Variants in GRIK2 observed in about 807,000 individuals in gnomAD.
The protein encoded by GRIK2 is glutamate receptor ionotropic, kainate 2.
GRIK2 carries 32 observed loss-of-function variants against 100.3 expected under a neutral mutation model. That is an observed-to-expected ratio of 0.32 (90% CI 0.24 to 0.43). The LOEUF (loss-of-function observed/expected upper bound fraction) is 0.43. GRIK2 is among the 20% of genes least tolerant of loss of function. The pLI is 1.00. For synonymous variants in GRIK2, 417 were observed against 389.4 expected, an observed-to-expected ratio of 1.07 and a Z score of -0.83; for missense variants, 843 against 1,114.9, an observed-to-expected ratio of 0.76 and a Z score of 3.47.
In GRIK2 at chr6:101,789,384, A is replaced by G. The variant is rs1219751393; in HGVS notation, c.952-10264A>G. 2.0e-5 allele frequency among the ~76,000 whole-genome samples: 3 copies of G among 152,084 alleles called. No homozygotes were observed. The East Asian group carries it at 5.8e-4, about 29-fold the overall frequency. Reference sequence around the variant, plus strand: ...ATCCATCTTGAATTAATTTTTGTATAAGGTGTAAGGAAGGGATCCAGTTTC... The same window carrying G: ...ATCCATCTTGAATTAATTTTTGTATGAGGTGTAAGGAAGGGATCCAGTTTC... On this transcript the variant is annotated intron_variant, in intron 7 of 16. Transcript: ENST00000369134.
At chr6:101,793,356 T>C (rs932340482) in intron 7 of GRIK2, among the ~76,000 whole-genome samples, 5 of 152,180 alleles carry the variant, frequency 3.3e-5, no homozygotes, top group Admixed American at 1.3e-4. Flanking sequence ...CTTTTGGTCT[T>C]TGATGATGGT....
chr6:101,931,530 C>T (rs1470469503), intron 14 of GRIK2, among the ~76,000 whole-genome samples: 6 of 152,112 alleles, frequency 3.9e-5, no homozygotes, highest in African/African-American at 1.4e-4. Context: ...AAATCCTCAG[C>T]ATTGCAAAGA....
chr6:102,064,426 C>CTTTCTT (rs767671108), intron 16 of GRIK2, among the ~76,000 whole-genome samples: 1 of 143,024 alleles, frequency 7.0e-6, no homozygotes, highest in Non-Finnish European at 1.5e-5. Context: ...TTCTTTCTTT[C>CTTTCTT]TCTCTTTCTC....
intron 12 of GRIK2, among the ~76,000 whole-genome samples, chr6:101,918,676 A>T (rs941550606): frequency 1.3e-5 from 2 of 151,760 alleles, no homozygotes; most frequent in Non-Finnish European, 1.5e-5. Flanking sequence ...ATCTGTCACC[A>T]CATACAAAGT....
chr6:101,734,470 A>G (rs547560825), intron 7 of GRIK2, among the ~76,000 whole-genome samples: 1 of 152,212 alleles, frequency 6.6e-6, no homozygotes, highest in African/African-American at 2.4e-5. Context: ...AGGCCCACCT[A>G]TAATACATTA....
intron 7 of GRIK2, among the ~76,000 whole-genome samples, chr6:101,763,154 C>CCCTCAAATGTCAA (rs1777836726): frequency 6.6e-6 from 1 of 152,212 alleles, no homozygotes; most frequent in South Asian, 2.1e-4. Context: ...GGACAATGTA[C>CCCTCAAATGTCAA]AGATTGAGGG....
intron 7 of GRIK2, among the ~76,000 whole-genome samples, chr6:101,747,013 A>G (rs142768436): frequency 1.3e-5 from 2 of 152,170 alleles, no homozygotes; most frequent in Non-Finnish European, 2.9e-5. Flanking sequence ...TTTCCCATAA[A>G]TTTTATGTTT....
chr6:101,561,917 C>T (rs1158059239), intron 2 of GRIK2, among the ~76,000 whole-genome samples: 1 of 152,102 alleles, frequency 6.6e-6, no homozygotes, highest in African/African-American at 2.4e-5. Context: ...AATCAGAGAA[C>T]ATTAGATTTA....
chr6:101,637,178 C>G (rs1007259828), intron 4 of GRIK2, among the ~76,000 whole-genome samples: 1 of 152,042 alleles, frequency 6.6e-6, no homozygotes, highest in African/African-American at 2.4e-5. Context: ...TTGTTTACCT[C>G]GTTCTCCCTA....
chr6:101,889,601 C>CTTTTTT, intron 11 of GRIK2, 39 bp from the exon 12 acceptor site: 2 of 1,017,518 alleles, frequency 2.0e-6, no homozygotes, highest in Non-Finnish European at 2.9e-6. Flanking sequence ...CTCTTTCTTT[C>CTTTTTT]TTTCTTTTTT....
intron 2 of GRIK2, among the ~76,000 whole-genome samples, chr6:101,618,957 G>T (rs1011786552): frequency 1.3e-5 from 2 of 148,838 alleles, no homozygotes; most frequent in African/African-American, 4.9e-5. Context: ...TTCCAAAAAA[G>T]TATTTTTAAA....
At chr6:101,448,189 C>T (rs1428901365) in intron 2 of GRIK2, among the ~76,000 whole-genome samples, 1 of 151,578 alleles carries the variant, frequency 6.6e-6, no homozygotes, top group Non-Finnish European at 1.5e-5. Context: ...AATTTCTTAA[C>T]AAGAGTTTGG....
At chr6:101,702,143 G>A (rs1772944997) in intron 7 of GRIK2, among the ~76,000 whole-genome samples, 1 of 151,926 alleles carries the variant, frequency 6.6e-6, no homozygotes, top group Non-Finnish European at 1.5e-5. Flanking sequence ...TTAAATAAAA[G>A]TGCAAGCATA....
intron 4 of GRIK2, among the ~76,000 whole-genome samples, chr6:101,665,868 G>A (rs1241068971): frequency 1.3e-5 from 2 of 152,164 alleles, no homozygotes; most frequent in Non-Finnish European, 2.9e-5. Context: ...GGAAAGGTGA[G>A]TTGCTGTTAT....
intron 7 of GRIK2, among the ~76,000 whole-genome samples, chr6:101,756,183 T>C (rs1777124083): frequency 6.6e-6 from 1 of 152,094 alleles, no homozygotes; most frequent in African/African-American, 2.4e-5. Context: ...AAGGGAGTAG[T>C]TAGAAAATTA....
intron 2 of GRIK2, among the ~76,000 whole-genome samples, chr6:101,459,912 C>T (rs544621413): frequency 5.9e-5 from 9 of 152,168 alleles, no homozygotes; most frequent in East Asian, 3.9e-4. Flanking sequence ...CCCACCACCA[C>T]GCCCAGCTAA....
intron 2 of GRIK2, among the ~76,000 whole-genome samples, chr6:101,565,555 A>G (rs1459651605): frequency 2.0e-5 from 3 of 152,060 alleles, no homozygotes; most frequent in Non-Finnish European, 4.4e-5. Flanking sequence ...TAGTGTGCAA[A>G]TTATTTAACA....
At chr6:101,486,468 A>C (rs1772839993) in intron 2 of GRIK2, among the ~76,000 whole-genome samples, 1 of 152,060 alleles carries the variant, frequency 6.6e-6, no homozygotes, top group African/African-American at 2.4e-5. Context: ...TATGAGAAGA[A>C]GCCACTAAGA....
intron 7 of GRIK2, among the ~76,000 whole-genome samples, chr6:101,791,852 T>G (rs9377303): frequency 0.13 from 18,717 of 148,518 alleles, 2,391 homozygotes; most frequent in East Asian, 0.66. Context: ...AAGTCTCTTT[T>G]TAGGTCACTC....
Sources: gnomAD v4.1 joint callset for allele counts (sites outside exome capture counted in the v4.1 genomes callset) on GRCh38, gnomAD v4.1.1 for gene constraint, MANE v1.5 for transcripts, NCBI Gene and HGNC (gene_info 2026-07-23, HGNC 2026-07-21) for gene names.